Variants in THRB observed in about 807,000 individuals in gnomAD.
THRB encodes nuclear receptor subfamily 1 group A member 2.
Under a neutral mutation model 47.8 loss-of-function variants are expected in THRB, and 12 were observed. The observed-to-expected ratio is 0.25, with a 90% CI of 0.16 to 0.41. THRB has a LOEUF of 0.41. Among genes scored for constraint, THRB ranks in the 10% least tolerant of loss-of-function variants. The pLI, the probability that THRB is intolerant of heterozygous loss-of-function variation, is 1.00. For synonymous variants in THRB, 218 were observed against 212.2 expected (o/e 1.03, Z -0.24); for missense variants, 348 against 589.2 (o/e 0.59, Z 4.24).
At chr3:24,352,978 CATTG>C (rs1465673978) in intron 1 of THRB, among the ~76,000 whole-genome samples, 5 of 151,752 alleles carry the variant, frequency 3.3e-5, no homozygotes, top group African/African-American at 4.8e-5. Context: ...TTTTTTCATT[CATTG>C]ATTGACAAAT....
intron 3 of THRB, among the ~76,000 whole-genome samples, chr3:24,285,444 AG>A (rs1158546876): frequency 1.4e-5 from 1 of 70,894 alleles, no homozygotes; most frequent in South Asian, 5.9e-4. Flanking sequence ...GGGTGGGGGG[AG>A]GGGGGAGGGA....
chr3:24,142,607 T>C (rs1009903177), intron 8 of THRB, among the ~76,000 whole-genome samples: 3 of 152,178 alleles, frequency 2.0e-5, no homozygotes, highest in Non-Finnish European at 2.9e-5. Context: ...TGTTGTCAGG[T>C]AGGTACTTGA....
intron 4 of THRB, among the ~76,000 whole-genome samples, chr3:24,217,486 G>A (rs1267734095): frequency 2.6e-5 from 4 of 152,064 alleles, no homozygotes; most frequent in Admixed American, 2.6e-4. Context: ...AAGTGGCTTG[G>A]CAGGTAAGAT....
chr3:24,176,371 C>T (rs1219527591), intron 5 of THRB, among the ~76,000 whole-genome samples: 1 of 152,142 alleles, frequency 6.6e-6, no homozygotes, highest in African/African-American at 2.4e-5. Flanking sequence ...TTAACAGCTA[C>T]AGTATACTTT....
At chr3:24,147,743 G>A (rs2036288049) in intron 6 of THRB, among the ~76,000 whole-genome samples, 1 of 152,194 alleles carries the variant, frequency 6.6e-6, no homozygotes, top group African/African-American at 2.4e-5. Context: ...ATTGCTAAGT[G>A]CTGTAGAAAC....
intron 3 of THRB, among the ~76,000 whole-genome samples, chr3:24,276,073 G>A (rs1480030885): frequency 1.3e-5 from 2 of 150,908 alleles, no homozygotes; most frequent in Non-Finnish European, 2.9e-5. Context: ...TCCTTTCCAT[G>A]CTCTTGTAGA....
chr3:24,162,239 C>T (rs377015624), intron 5 of THRB, among the ~76,000 whole-genome samples: 2 of 151,862 alleles, frequency 1.3e-5, no homozygotes, highest in African/African-American at 4.8e-5. Flanking sequence ...GCAACCTCAG[C>T]CACAGAGCAG....
intron 1 of THRB, among the ~76,000 whole-genome samples, chr3:24,464,995 A>T (rs1430581756): frequency 6.6e-6 from 1 of 152,134 alleles, no homozygotes; most frequent in African/African-American, 2.4e-5. Flanking sequence ...GTACTTATTT[A>T]GATTTCCCAT....
intron 3 of THRB, among the ~76,000 whole-genome samples, chr3:24,271,142 T>C (rs1301490738): frequency 2.0e-5 from 3 of 152,232 alleles, no homozygotes; most frequent in African/African-American, 7.2e-5. Context: ...AAGTTCTATA[T>C]ACCAAGAGGA....
chr3:24,228,863 T>A (rs2047962880), intron 4 of THRB, 75 bp downstream of exon 4: 1 of 1,392,222 alleles, frequency 7.2e-7, no homozygotes, highest in African/African-American at 1.5e-5. Context: ...AAGTTAATCT[T>A]TAAGAATCTA....
intron 1 of THRB, among the ~76,000 whole-genome samples, chr3:24,452,764 G>C (rs1329605712): frequency 6.6e-6 from 1 of 152,148 alleles, no homozygotes; most frequent in Non-Finnish European, 1.5e-5. Context: ...TCTGCTTGAT[G>C]ACAATGTCCA....
chr3:24,323,248 G>A (rs1287717857), intron 2 of THRB, among the ~76,000 whole-genome samples: 1 of 149,574 alleles, frequency 6.7e-6, no homozygotes, highest in Non-Finnish European at 1.5e-5. Context: ...TTTGGATCCT[G>A]TTGTCTCTTT....
At chr3:24,271,046 C>A (rs530006228) in intron 3 of THRB, among the ~76,000 whole-genome samples, 1 of 152,240 alleles carries the variant, frequency 6.6e-6, no homozygotes, top group East Asian at 1.9e-4. Context: ...ATAGCCCTCC[C>A]TAGGCATGTG....
chr3:24,365,611 A>G (rs1173189654), intron 1 of THRB, among the ~76,000 whole-genome samples: 1 of 152,206 alleles, frequency 6.6e-6, no homozygotes, highest in African/African-American at 2.4e-5. Context: ...TGCAAACAGC[A>G]GCAGTCAATT....
chr3:24,469,318 TATTA>T (rs943153802), intron 1 of THRB, among the ~76,000 whole-genome samples: 1 of 152,224 alleles, frequency 6.6e-6, no homozygotes, highest in African/African-American at 2.4e-5. Flanking sequence ...GTTCATGAGT[TATTA>T]ATTAATTCTT....
At chr3:24,292,605 C>A (rs1277026637) in intron 3 of THRB, among the ~76,000 whole-genome samples, 1 of 152,182 alleles carries the variant, frequency 6.6e-6, no homozygotes, top group Non-Finnish European at 1.5e-5. Flanking sequence ...GGGTCAGGAA[C>A]CATCTTGTCC....
intron 3 of THRB, among the ~76,000 whole-genome samples, chr3:24,271,607 C>T (rs1244111784): frequency 6.6e-6 from 1 of 152,052 alleles, no homozygotes; most frequent in Non-Finnish European, 1.5e-5. Context: ...CCCCCTGGGC[C>T]CTCTTTGAAT....
intron 5 of THRB, among the ~76,000 whole-genome samples, chr3:24,171,140 G>C (rs1181505639): frequency 1.3e-5 from 2 of 152,172 alleles, no homozygotes; most frequent in Non-Finnish European, 2.9e-5. Context: ...ATTGAGGAAA[G>C]TTTCCTTTAA....
chr3:24,151,467 G>T (rs1309506836), intron 6 of THRB, among the ~76,000 whole-genome samples: 5 of 152,148 alleles, frequency 3.3e-5, no homozygotes, highest in Non-Finnish European at 7.4e-5. Flanking sequence ...TTGCTTTAGG[G>T]TTTACATCTT....
Sources: gnomAD v4.1 joint callset for allele counts (sites outside exome capture counted in the v4.1 genomes callset) on GRCh38, gnomAD v4.1.1 for gene constraint, MANE v1.5 for transcripts, NCBI Gene and HGNC (gene_info 2026-07-23, HGNC 2026-07-21) for gene names.